MYO16: variants seen among roughly 807,000 people sequenced by gnomAD.
MYO16 encodes the protein unconventional myosin-XVI.
In MYO16, 94 loss-of-function variants were observed where a neutral mutation model predicts 205.3. The observed-to-expected ratio is 0.46, with a 90% CI of 0.39 to 0.54. The LOEUF (loss-of-function observed/expected upper bound fraction) is 0.54, where lower values mean the gene tolerates loss of function less well. Among genes scored for constraint, MYO16 ranks in the 20% least tolerant of loss-of-function variants. The probability of loss-of-function intolerance (pLI) is 0.00; values close to 1 mark genes in which losing one functional copy is unlikely to be tolerated. For missense variants in MYO16, 2,315 were observed against 2,387.5 expected, an observed-to-expected ratio of 0.97 and a Z score of 0.63; for synonymous variants, 988 against 954.0, an observed-to-expected ratio of 1.04 and a Z score of -0.66.
At chr13:108,802,561 C>T (rs552200404) in intron 6 of MYO16, among the ~76,000 whole-genome samples, 141 of 152,154 alleles carry the variant, frequency 9.3e-4, no homozygotes, top group Non-Finnish European at 1.6e-3. Context: ...ATCCCTATGA[C>T]ATAGCAACTT....
At chr13:109,178,426 ACT>A (rs1879314023) in intron 33 of MYO16, among the ~76,000 whole-genome samples, 1 of 151,734 alleles carries the variant, frequency 6.6e-6, no homozygotes, top group East Asian at 1.9e-4. Flanking sequence ...TCCCTGAGGA[ACT>A]CTCTCCTATA....
chr13:108,769,895 G>A (rs1417204692), intron 4 of MYO16, among the ~76,000 whole-genome samples: 1 of 152,118 alleles, frequency 6.6e-6, no homozygotes, highest in East Asian at 1.9e-4. Context: ...ATATGATTTG[G>A]TATAATAGTA....
chr13:108,669,139 C>A (rs193253869), intron 2 of MYO16, among the ~76,000 whole-genome samples: 1 of 151,934 alleles, frequency 6.6e-6, no homozygotes, highest in Non-Finnish European at 1.5e-5. Flanking sequence ...AGAACTGAGT[C>A]CCAAGGAATT....
At chr13:108,754,237 C>T (rs1885347327) in intron 4 of MYO16, among the ~76,000 whole-genome samples, 1 of 151,896 alleles carries the variant, frequency 6.6e-6, no homozygotes, top group South Asian at 2.1e-4. Context: ...GCAGGACAAG[C>T]TGTAGCATGC....
intron 1 of MYO16, among the ~76,000 whole-genome samples, chr13:108,606,461 G>C (rs941790455): frequency 1.3e-5 from 2 of 152,210 alleles, no homozygotes; most frequent in Non-Finnish European, 2.9e-5. Context: ...CCAAGGTACA[G>C]CTTGGGCCTT....
the MYO16 span, among the ~76,000 whole-genome samples, chr13:108,524,002 A>G: frequency 6.6e-6 from 1 of 152,170 alleles, no homozygotes; most frequent in African/African-American, 2.4e-5. Context: ...CTGGTCATTT[A>G]TAAGTGTGTG....
intron 8 of MYO16, 119 bp downstream of exon 8, chr13:108,820,531 T>G (rs1003522752): frequency 1.2e-6 from 1 of 806,566 alleles, no homozygotes; most frequent in African/African-American, 1.7e-5. Context: ...TGTGAAGCTG[T>G]GTAACAACCA....
chr13:108,715,592 G>A (rs1339886863), intron 3 of MYO16, among the ~76,000 whole-genome samples: 1 of 152,144 alleles, frequency 6.6e-6, no homozygotes. Context: ...ATTAATTAAT[G>A]TTACTACTTA....
chr13:108,696,991 A>T (rs1342662889), intron 2 of MYO16, among the ~76,000 whole-genome samples: 3 of 151,742 alleles, frequency 2.0e-5, no homozygotes, highest in Admixed American at 6.6e-5. Context: ...AAAAAAAAAA[A>T]AATACCCTGC....
chr13:109,055,655 A>G lies in MYO16; in HGVS notation c.3335+60A>G, dbSNP rs540421198. 1.4e-6 allele frequency: 2 copies of G among 1,412,114 alleles called. No individual in the cohort carries two copies. The highest frequency in any genetic ancestry group is 2.0e-6 in the Non-Finnish European group (2 of 1,010,248). The allele number at this position is 1,412,114 out of a possible 1,614,324, so 87.5% of individuals were successfully genotyped here. ...CTGCTGTTCAGTGCAGTGTACTGAC[A>G]CTGACACTATTGTAGCAAGGGTCTT... On this transcript the variant is annotated intron_variant, in intron 27 of 34. Transcript: ENST00000457511. This position sits in a 1 kb window ranked among gnomAD's most constrained non-coding sequence, Gnocchi z 5.0.
rs553843117 is a variant in MYO16, at chr13:108,915,919, G to A, written c.1925+5769G>A. ...TGAACTTGTGATCCTGCTGGGAGCC[G>A]TACCTGTCACGGGGAAGCCACGGCA... On this transcript the variant is annotated intron_variant, in intron 16 of 34. Coordinates refer to ENST00000457511, the MANE Select transcript of MYO16 (RefSeq NM_001198950.3). Among the ~76,000 whole-genome samples, 9 of 152,244 alleles carry A rather than the reference G, an allele frequency of 5.9e-5. No individual in the cohort carries two copies. In the South Asian group the frequency reaches 1.0e-3, roughly 18 times the overall value.
At chr13:109,129,751 G>A (rs1019820467) in intron 31 of MYO16, among the ~76,000 whole-genome samples, 1 of 152,132 alleles carries the variant, frequency 6.6e-6, no homozygotes, top group Non-Finnish European at 1.5e-5. Flanking sequence ...ATTGAAAATT[G>A]CAGCAAGTAC....
intron 28 of MYO16, chr13:109,101,308 G>A (rs374915890): frequency 3.5e-4 from 54 of 155,246 alleles, no homozygotes; most frequent in African/African-American, 1.1e-3. Context: ...GCTCGTTCAC[G>A]TCTCAGTCAG....
chr13:108,744,360 C>T (rs903263482), intron 4 of MYO16, among the ~76,000 whole-genome samples: 6 of 152,184 alleles, frequency 3.9e-5, no homozygotes, highest in Non-Finnish European at 8.8e-5. Context: ...TCTCCTTATT[C>T]CTCCCTTGTT....
At chr13:108,858,027 T>C (rs1878274566) in intron 11 of MYO16, among the ~76,000 whole-genome samples, 1 of 152,226 alleles carries the variant, frequency 6.6e-6, no homozygotes, top group African/African-American at 2.4e-5. Context: ...CATTATGGTG[T>C]CTGAAATCCC....
chr13:108,736,577 G>A (rs1463189166), intron 4 of MYO16, among the ~76,000 whole-genome samples: 1 of 152,178 alleles, frequency 6.6e-6, no homozygotes, highest in Non-Finnish European at 1.5e-5. Context: ...CAGGTAGCGT[G>A]ATGCCTCCAG....
chr13:108,798,739 C>G (rs1158616533), intron 6 of MYO16, among the ~76,000 whole-genome samples: 1 of 120,720 alleles, frequency 8.3e-6, no homozygotes, highest in Non-Finnish European at 1.6e-5. Context: ...CGCTCTGTCG[C>G]CCAGGCCGGA....
At chr13:108,968,171 T>A (rs1464763466) in intron 20 of MYO16, among the ~76,000 whole-genome samples, 2 of 152,218 alleles carry the variant, frequency 1.3e-5, no homozygotes, top group Non-Finnish European at 2.9e-5. Flanking sequence ...CTCCTCACCG[T>A]GTCTTCACCT....
chr13:108,951,068 G>A (rs968091600), intron 16 of MYO16, among the ~76,000 whole-genome samples: 1 of 151,580 alleles, frequency 6.6e-6, no homozygotes, highest in Admixed American at 6.6e-5. Flanking sequence ...TTTACTTTAA[G>A]TTCTGGGATA....
Sources: allele counts gnomAD v4.1 joint callset (sites outside exome capture counted in the v4.1 genomes callset), GRCh38; gene constraint gnomAD v4.1.1; non-coding constraint Gnocchi (gnomAD v3.1); transcripts MANE v1.5; gene names NCBI Gene and HGNC (gene_info 2026-07-23, HGNC 2026-07-21).